The following CCDC175 variants were observed in gnomAD, a reference collection of about 807,000 sequenced individuals.
The protein encoded by CCDC175 is coiled-coil domain-containing protein 175.
Under a neutral mutation model 114.6 loss-of-function variants are expected in CCDC175, and 100 were observed. That is an observed-to-expected ratio of 0.87 (90% confidence interval 0.74 to 1.03). The LOEUF is 1.03. CCDC175 is among the 50% of genes least tolerant of loss of function. CCDC175 has a pLI of 0.00. For missense variants in CCDC175, 880 were observed against 917.8 expected (o/e 0.96, Z 0.53); for synonymous variants, 306 against 308.7 (o/e 0.99, Z 0.09).
intron 7 of CCDC175, among the ~76,000 whole-genome samples, chr14:59,553,873 A>G (rs1895693282): frequency 6.6e-6 from 1 of 152,240 alleles, no homozygotes. Context: ...AAAGAAGGCC[A>G]TTACATAATG....
intron 7 of CCDC175, among the ~76,000 whole-genome samples, chr14:59,553,760 T>C (rs1220294164): frequency 1.4e-4 from 22 of 151,864 alleles, no homozygotes; most frequent in Non-Finnish European, 2.8e-4. Flanking sequence ...AAATAAAGGA[T>C]GGAGGAAGAT....
intron 17 of CCDC175, among the ~76,000 whole-genome samples, chr14:59,517,934 CA>C (rs1893199389): frequency 6.6e-6 from 1 of 152,168 alleles, no homozygotes; most frequent in East Asian, 1.9e-4. Context: ...TACAAGGCTA[CA>C]GTAACCAAGA....
At chr14:59,523,287 A>G (rs17096357) in intron 16 of CCDC175, among the ~76,000 whole-genome samples, 1,847 of 152,306 alleles carry the variant, frequency 0.012, 28 homozygotes, top group African/African-American at 0.043. Flanking sequence ...TTGGAGCACA[A>G]TTACCTTTTC....
At chr14:59,561,474 G>A (rs1185189907) in intron 6 of CCDC175, among the ~76,000 whole-genome samples, 1 of 152,120 alleles carries the variant, frequency 6.6e-6, no homozygotes, top group Admixed American at 6.6e-5. Flanking sequence ...GTGAGAATGT[G>A]AAAACTGTTT....
intron 19 of CCDC175, among the ~76,000 whole-genome samples, chr14:59,507,454 C>T (rs1008538229): frequency 1.3e-5 from 2 of 152,128 alleles, no homozygotes; most frequent in Non-Finnish European, 2.9e-5. Context: ...TCCAAAGTGC[C>T]CAATGTTAAT....
chr14:59,564,619 T>C (rs886600894), intron 5 of CCDC175: 25 of 158,622 alleles, frequency 1.6e-4, no homozygotes, highest in Non-Finnish European at 2.2e-4. Flanking sequence ...CAGTTCTGCC[T>C]GGCCCCACTG....
intron 7 of CCDC175, among the ~76,000 whole-genome samples, chr14:59,553,539 G>C (rs1416482028): frequency 3.3e-5 from 5 of 152,186 alleles, no homozygotes; most frequent in Non-Finnish European, 7.3e-5. Flanking sequence ...ATCGAGGCTA[G>C]GAAGAAACTG....
rs1383189377 is a variant in CCDC175 at position 59,533,582 on chromosome 14, A to G, written c.1624-1672T>C. 2.6e-5 allele frequency among the ~76,000 whole-genome samples: 4 copies of G among 152,244 alleles called. No individual in the cohort carries two copies. The East Asian group carries it at 7.7e-4, about 29-fold the overall frequency. ...CCAAATTGCCATTAGCATCCTTATG[A>G]ATAAATACAAAGAAGCTAAAATGCA... On this transcript the variant is annotated intron_variant, in intron 13 of 19. Transcript: ENST00000537690.
At chr14:59,529,352 G>A (rs1233224477) in intron 14 of CCDC175, among the ~76,000 whole-genome samples, 1 of 152,140 alleles carries the variant, frequency 6.6e-6, no homozygotes, top group Non-Finnish European at 1.5e-5. Flanking sequence ...AAGCCATCTG[G>A]TCCAGTTTCT....
chr14:59,533,619 C>A (rs75770289), intron 13 of CCDC175, among the ~76,000 whole-genome samples: 2 of 152,196 alleles, frequency 1.3e-5, no homozygotes, highest in Non-Finnish European at 2.9e-5. Flanking sequence ...AGAAAAATAC[C>A]ATAATTCAAA....
At chr14:59,563,883 C>T (rs1330965274) in intron 5 of CCDC175, 24 bp from the exon 6 acceptor site, 1 of 1,355,158 alleles carries the variant, frequency 7.4e-7, no homozygotes, top group Non-Finnish European at 9.5e-7. Flanking sequence ...CATAAGAAAC[C>T]AATTTAAAAA....
At chr14:59,570,410 A>G (rs1896779108) in intron 3 of CCDC175, among the ~76,000 whole-genome samples, 1 of 152,228 alleles carries the variant, frequency 6.6e-6, no homozygotes, top group Admixed American at 6.5e-5. Context: ...AGTAGAGGCA[A>G]TAAATGGCTA....
At chr14:59,531,298 A>G (rs568447506) in intron 14 of CCDC175, among the ~76,000 whole-genome samples, 1 of 152,282 alleles carries the variant, frequency 6.6e-6, no homozygotes, top group African/African-American at 2.4e-5. Context: ...GTCCTCTACT[A>G]ACTCTCAGAT....
chr14:59,561,479 CTG>C (rs1437534207), intron 6 of CCDC175, among the ~76,000 whole-genome samples: 1 of 152,102 alleles, frequency 6.6e-6, no homozygotes, highest in African/African-American at 2.4e-5. Flanking sequence ...AATGTGAAAA[CTG>C]TTTTTACAAA....
intron 7 of CCDC175, among the ~76,000 whole-genome samples, chr14:59,558,252 C>T (rs1896031071): frequency 6.6e-6 from 1 of 152,084 alleles, no homozygotes; most frequent in South Asian, 2.1e-4. Context: ...GCTAGAAGTT[C>T]AGATTTTATT....
chr14:59,544,775 G>A (rs1375501312), intron 9 of CCDC175, among the ~76,000 whole-genome samples: 2 of 152,146 alleles, frequency 1.3e-5, no homozygotes, highest in Non-Finnish European at 2.9e-5. Context: ...GGGCCTTTGG[G>A]GAAGTGATTA....
rs532551130 is a variant in CCDC175 at position 59,516,691 on chromosome 14, A to G, written c.2098+4883T>C. Among the ~76,000 whole-genome samples the G allele has an allele frequency of 4.6e-5, 7 of 152,270 alleles. No individual in the cohort carries two copies. In the South Asian group the frequency reaches 1.2e-3, roughly 27 times the overall value. ...AGCAATAATTAATAGCTTACCAACC[A>G]AAAAAAGTCCAGGACCAGATGGATT... On this transcript the variant is annotated intron_variant, in intron 17 of 19. Transcript: ENST00000537690.
Position 59,576,695 on chromosome 14 carries a change from G to A in CCDC175, c.81C>T (p.Ser27=). 6.7e-6 allele frequency: 10 copies of A among 1,486,980 alleles called. No individual in the cohort carries two copies. Among genetic ancestry groups the A allele is most frequent in the Non-Finnish European group, 8.9e-6 (10 of 1,126,292 alleles). 92.1% of individuals were successfully genotyped at this position (1,486,980 alleles called of 1,614,324 possible). A position where few individuals can be genotyped will look rare whatever the true frequency, so the allele number is the denominator to read the frequency against. ...VQAAAVSTGP[S]LELCTLPSTL... is the part of the protein sequence containing the mutation. ...TGGAGGGTAAGGTGCATAACTCCAG[G>A]GAGGGGCCAGTGGAGACGGCAGCCG... The change falls in exon 1 of 20, where the codon TCC becomes TCT. Residue 27 remains serine, a synonymous_variant. Transcript: ENST00000537690.
intron 19 of CCDC175, among the ~76,000 whole-genome samples, chr14:59,509,637 C>T (rs1022597700): frequency 7.9e-5 from 12 of 152,120 alleles, no homozygotes; most frequent in Non-Finnish European, 1.5e-4. Context: ...CTCAACCTTC[C>T]GAGTAGCTGA....
Sources: allele counts gnomAD v4.1 joint callset (sites outside exome capture counted in the v4.1 genomes callset), GRCh38; gene constraint gnomAD v4.1.1; transcripts MANE v1.5; gene names NCBI Gene and HGNC (gene_info 2026-07-23, HGNC 2026-07-21).